The following SHISA9 variants were observed in gnomAD, a reference collection of about 807,000 sequenced individuals.
SHISA9 encodes the protein shisa family member 9.
SHISA9 carries 13 observed loss-of-function variants against 38.0 expected under a neutral mutation model. That is an observed-to-expected ratio of 0.34 (90% CI 0.22 to 0.54). The LOEUF is 0.54. Ranked by LOEUF, SHISA9 falls within the 20% of genes least tolerant of loss-of-function variation. SHISA9 has a pLI of 0.91. For synonymous variants in SHISA9, 275 were observed against 242.0 expected, an observed-to-expected ratio of 1.14 and a Z score of -1.27; for missense variants, 538 against 575.8, an observed-to-expected ratio of 0.93 and a Z score of 0.67.
chr16:13,212,485 A>G (rs2051130196), intron 3 of SHISA9, among the ~76,000 whole-genome samples: 1 of 152,240 alleles, frequency 6.6e-6, no homozygotes, highest in Non-Finnish European at 1.5e-5. Context: ...CATTCGGGAC[A>G]TCTGAAAGGG....
the SHISA9 span, among the ~76,000 whole-genome samples, chr16:13,338,676 T>C: frequency 6.6e-6 from 1 of 152,126 alleles, no homozygotes; most frequent in African/African-American, 2.4e-5. Context: ...AGTGATGGGA[T>C]GGAAAGATTA....
chr16:13,468,165 T>C, the SHISA9 span, among the ~76,000 whole-genome samples: 3 of 152,330 alleles, frequency 2.0e-5, no homozygotes, highest in African/African-American at 4.8e-5. Flanking sequence ...TTTTAAAAGA[T>C]GTTCTTATAT....
At chr16:12,927,635 C>T (rs1237636942) in intron 2 of SHISA9, among the ~76,000 whole-genome samples, 1 of 151,680 alleles carries the variant, frequency 6.6e-6, no homozygotes, top group African/African-American at 2.4e-5. Context: ...GCTCGAGCTC[C>T]TGGACTCAAG....
intron 2 of SHISA9, among the ~76,000 whole-genome samples, chr16:13,186,256 G>GA (rs565572328): frequency 1.3e-5 from 2 of 148,938 alleles, no homozygotes; most frequent in Admixed American, 6.7e-5. Flanking sequence ...AAATTGTGGG[G>GA]AAAAAAATAA....
the SHISA9 span, among the ~76,000 whole-genome samples, chr16:13,560,854 C>G: frequency 2.0e-5 from 3 of 151,162 alleles, no homozygotes; most frequent in African/African-American, 4.9e-5. Context: ...TTATTCTTAA[C>G]AACTTTTTTT....
At chr16:13,076,627 C>G (rs1017566286) in intron 2 of SHISA9, among the ~76,000 whole-genome samples, 2 of 152,198 alleles carry the variant, frequency 1.3e-5, no homozygotes, top group Non-Finnish European at 2.9e-5. Flanking sequence ...AGACCCTCTT[C>G]TAGCCCTTTT....
At chr16:12,955,629 A>G (rs1481443916) in intron 2 of SHISA9, among the ~76,000 whole-genome samples, 1 of 119,198 alleles carries the variant, frequency 8.4e-6, no homozygotes, top group Non-Finnish European at 1.9e-5. Context: ...TATCTTCAAC[A>G]AAGTAAAAAA....
intron 2 of SHISA9, among the ~76,000 whole-genome samples, chr16:12,982,467 C>A (rs534020588): frequency 6.6e-6 from 1 of 152,318 alleles, no homozygotes; most frequent in East Asian, 1.9e-4. Context: ...AAGTCATTCA[C>A]AAACTGGCCC....
chr16:13,031,663 C>G (rs2072992706), intron 2 of SHISA9, among the ~76,000 whole-genome samples: 1 of 152,140 alleles, frequency 6.6e-6, no homozygotes. Context: ...CTCTGAGCCT[C>G]AATGTCTTCT....
At chr16:13,263,479 C>G in the SHISA9 span, among the ~76,000 whole-genome samples, 1 of 152,182 alleles carries the variant, frequency 6.6e-6, no homozygotes, top group Non-Finnish European at 1.5e-5. Context: ...CCAAATTCCT[C>G]TTGCATTGGC....
the SHISA9 span, among the ~76,000 whole-genome samples, chr16:13,506,375 C>T: frequency 6.6e-6 from 1 of 151,962 alleles, no homozygotes; most frequent in South Asian, 2.1e-4. Context: ...GTGAGGACAA[C>T]AACAATAAGG....
chr16:13,015,896 T>TTCTTTCTTTC (rs1567182414), intron 2 of SHISA9, among the ~76,000 whole-genome samples: 8 of 125,922 alleles, frequency 6.4e-5, no homozygotes, highest in African/African-American at 2.3e-4. Context: ...CTTTCTTTCT[T>TTCTTTCTTTC]TCTTTCTTTC....
At chr16:13,376,242 C>T in the SHISA9 span, among the ~76,000 whole-genome samples, 1 of 152,162 alleles carries the variant, frequency 6.6e-6, no homozygotes, top group Admixed American at 6.5e-5. Context: ...TATAATCCTC[C>T]CTTAGGGAGT....
the SHISA9 span, among the ~76,000 whole-genome samples, chr16:13,295,295 C>G: frequency 6.6e-6 from 1 of 152,102 alleles, no homozygotes; most frequent in Admixed American, 6.6e-5. Context: ...TATTTGGGAC[C>G]ATTATCTGAC....
At chr16:13,094,075 C>T (rs1019671262) in intron 2 of SHISA9, among the ~76,000 whole-genome samples, 1 of 152,136 alleles carries the variant, frequency 6.6e-6, no homozygotes, top group Non-Finnish European at 1.5e-5. Context: ...TGTCTTGGTA[C>T]TTTTCCATTC....
At chr16:13,140,228 G>A (rs972836986) in intron 2 of SHISA9, among the ~76,000 whole-genome samples, 2 of 146,920 alleles carry the variant, frequency 1.4e-5, no homozygotes, top group Admixed American at 1.4e-4. Flanking sequence ...CCAGGCTGGA[G>A]TGCAATGATA....
chr16:13,402,450 T>A, the SHISA9 span, among the ~76,000 whole-genome samples: 2 of 152,096 alleles, frequency 1.3e-5, no homozygotes, highest in Non-Finnish European at 2.9e-5. Flanking sequence ...CTTCCTCCGC[T>A]TTTTTGTTCT....
At chr16:13,090,659 ATCT>A (rs1452902817) in intron 2 of SHISA9, among the ~76,000 whole-genome samples, 20 of 152,098 alleles carry the variant, frequency 1.3e-4, no homozygotes, top group Admixed American at 1.2e-3. Context: ...TGCTTGATAG[ATCT>A]TCTTCCACCC....
At chr16:13,433,022 G>T in the SHISA9 span, among the ~76,000 whole-genome samples, 35 of 151,212 alleles carry the variant, frequency 2.3e-4, no homozygotes, top group East Asian at 6.7e-3. Context: ...CATGACACAA[G>T]TTTAGCTAAG....
Sources: gnomAD v4.1 joint callset for allele counts (sites outside exome capture counted in the v4.1 genomes callset) on GRCh38, gnomAD v4.1.1 for gene constraint, MANE v1.5 for transcripts, NCBI Gene and HGNC (gene_info 2026-07-23, HGNC 2026-07-21) for gene names.